Variants in FTO observed in about 807,000 individuals in gnomAD.
FTO encodes FTO alpha-ketoglutarate dependent dioxygenase, also known as alpha-ketoglutarate-dependent dioxygenase FTO.
A neutral mutation model predicts 63.9 loss-of-function variants in FTO; 47 were observed. The ratio of observed to expected loss-of-function variants is 0.74; its 90% CI spans 0.58 to 0.94. FTO has a LOEUF of 0.94. Ranked by LOEUF, FTO falls within the 40% of genes least tolerant of loss-of-function variation. The pLI, the probability that FTO is intolerant of heterozygous loss-of-function variation, is 0.00. For synonymous variants in FTO, 207 were observed against 224.4 expected (o/e 0.92, Z 0.69); for missense variants, 562 against 618.1 (o/e 0.91, Z 0.96).
At chr16:53,804,520 A>G (rs2078305154) in intron 1 of FTO, among the ~76,000 whole-genome samples, 1 of 152,168 alleles carries the variant, frequency 6.6e-6, no homozygotes, top group Non-Finnish European at 1.5e-5. Context: ...TCGTAGGACA[A>G]GGAATGCTAA....
intron 8 of FTO, among the ~76,000 whole-genome samples, chr16:53,969,589 C>T (rs2083272763): frequency 6.6e-6 from 1 of 152,140 alleles, no homozygotes; most frequent in South Asian, 2.1e-4. Context: ...CAGCGAGTTC[C>T]CAGACATTCT....
chr16:54,056,336 A>G (rs2085432636), intron 8 of FTO, among the ~76,000 whole-genome samples: 1 of 152,142 alleles, frequency 6.6e-6, no homozygotes. Context: ...CCCACTGACC[A>G]TTTATTCCCA....
At chr16:53,926,571 G>A (rs2082143526) in intron 7 of FTO, among the ~76,000 whole-genome samples, 2 of 152,232 alleles carry the variant, frequency 1.3e-5, no homozygotes, top group Admixed American at 1.3e-4. Flanking sequence ...CGACATGGTG[G>A]TGCATAAAGA....
chr16:53,876,027 G>A (rs1267469538), intron 5 of FTO, among the ~76,000 whole-genome samples: 1 of 151,992 alleles, frequency 6.6e-6, no homozygotes, highest in Non-Finnish European at 1.5e-5. Flanking sequence ...GAATATTCTT[G>A]GGATTCAATA....
rs1197054549 is a variant in FTO, at chr16:54,120,108, G to A, written c.*8193G>A. 1 of 152,250 alleles carries A rather than the reference G, an allele frequency of 6.6e-6. No individual in the cohort carries two copies. Among genetic ancestry groups the A allele is most frequent in the Non-Finnish European group, 1.5e-5 (1 of 68,072 alleles). The allele number at this position is 152,250 out of a possible 1,614,324, so 9.4% of individuals were successfully genotyped here. A position where few individuals can be genotyped will look rare whatever the true frequency, so the allele number is the denominator to read the frequency against. ...GGCGGTGGGAGAAATTGTTCTGAAA[G>A]CATGAAGCCCAGCTGAGGCCAAAAT... is the stretch of plus-strand genomic sequence containing the variant. On this transcript the variant is annotated 3_prime_UTR_variant, in exon 9 of 9. Coordinates refer to ENST00000471389, the MANE Select transcript of FTO (RefSeq NM_001080432.3).
At chr16:53,913,211 C>A (rs577037271) in intron 7 of FTO, among the ~76,000 whole-genome samples, 30 of 152,344 alleles carry the variant, frequency 2.0e-4, no homozygotes, top group African/African-American at 7.2e-4. Flanking sequence ...AAAAGAAACA[C>A]TTCTGTCTTG....
In FTO at chr16:54,039,789, C is replaced by G. The variant is rs1333859058; in HGVS notation, c.1365-71973C>G. The G allele has an allele frequency of 3.3e-5, 5 of 152,178 alleles. No homozygotes were observed. In the East Asian group the frequency reaches 9.6e-4, roughly 29 times the overall value. 9.4% of individuals were successfully genotyped at this position (152,178 alleles called of 1,614,324 possible). On this transcript the variant is annotated intron_variant, in intron 8 of 8. Transcript: ENST00000471389. ...GGGAAGGTTTATCCTGATTGTAATC[C>G]CTCCAGAGGTTTTGATCATTTCTCT...
chr16:54,007,650 C>T (rs1157007776), intron 8 of FTO, among the ~76,000 whole-genome samples: 1 of 152,226 alleles, frequency 6.6e-6, no homozygotes, highest in Non-Finnish European at 1.5e-5. Flanking sequence ...AGAGACATGG[C>T]CCCAGTGGCG....
Position 54,119,383 on chromosome 16 carries a change from G to T in FTO, c.*7468G>T, listed in dbSNP as rs139638486. The T allele has an allele frequency of 6.6e-6, 1 of 152,188 alleles. No individual in the cohort carries two copies. Among genetic ancestry groups the T allele is most frequent in the Non-Finnish European group, 1.5e-5 (1 of 68,046 alleles). The allele number at this position is 152,188 out of a possible 1,614,324, so 9.4% of individuals were successfully genotyped here. ...ATCAGTTTCTCAGACAGCCAAAGCC[G>T]TGGCTTATAACTCATCCAACCCAGA... is the stretch of plus-strand genomic sequence containing the variant. On this transcript the variant is annotated 3_prime_UTR_variant, in exon 9 of 9. Transcript: ENST00000471389.
At chr16:54,096,790 C>T (rs765476188) in intron 8 of FTO, among the ~76,000 whole-genome samples, 9 of 152,200 alleles carry the variant, frequency 5.9e-5, no homozygotes, top group Non-Finnish European at 8.8e-5. Context: ...GCACTAATCC[C>T]TTTCATAAGG....
chr16:53,758,813 A>T (rs1052467706), intron 1 of FTO, among the ~76,000 whole-genome samples: 13 of 152,190 alleles, frequency 8.5e-5, no homozygotes, highest in African/African-American at 2.9e-4. Flanking sequence ...AATACACGAA[A>T]CAGGAACAAG....
intron 8 of FTO, among the ~76,000 whole-genome samples, chr16:54,048,256 GAAAAAAA>G (rs111381976): frequency 7.5e-6 from 1 of 134,024 alleles, no homozygotes; most frequent in Non-Finnish European, 1.6e-5. Context: ...AAAAATACTT[GAAAAAAA>G]AAAAAAAAAA....
intron 8 of FTO, among the ~76,000 whole-genome samples, chr16:53,960,871 G>A (rs945667056): frequency 4.6e-5 from 7 of 151,762 alleles, no homozygotes; most frequent in Non-Finnish European, 7.4e-5. Flanking sequence ...TTCTCTGTCC[G>A]AAAAAAAATC....
rs2078424448 is a variant in FTO, at chr16:53,808,301, T to C, written c.46-1839T>C. ...GTGAGCTGTGATTGGGCCACTACAC[T>C]TCAGCCTGTGGGACAGAATGAAACC... On this transcript the variant is annotated intron_variant, in intron 1 of 8. Transcript: ENST00000471389. Among the ~76,000 whole-genome samples the C allele has an allele frequency of 2.0e-5, 3 of 151,956 alleles. No individual in the cohort carries two copies. In the South Asian group the frequency reaches 6.2e-4, roughly 32 times the overall value.
chr16:54,041,481 C>T (rs1425695086), intron 8 of FTO, among the ~76,000 whole-genome samples: 2 of 152,100 alleles, frequency 1.3e-5, no homozygotes, highest in Non-Finnish European at 2.9e-5. Context: ...GCAAACTCTC[C>T]CTAGTAGACC....
chr16:53,881,643 G>C (rs2080839088), intron 6 of FTO, among the ~76,000 whole-genome samples: 1 of 152,182 alleles, frequency 6.6e-6, no homozygotes, highest in African/African-American at 2.4e-5. Context: ...GAGACCAGCA[G>C]GTCTGGATCC....
chr16:53,867,261 CAAAT>C (rs1211260552), intron 4 of FTO, among the ~76,000 whole-genome samples: 1 of 151,852 alleles, frequency 6.6e-6, no homozygotes, highest in Non-Finnish European at 1.5e-5. Context: ...ATGTTTCAGA[CAAAT>C]AAAAATTCAG....
At chr16:53,839,865 C>T (rs968293529) in intron 3 of FTO, among the ~76,000 whole-genome samples, 29 of 151,086 alleles carry the variant, frequency 1.9e-4, no homozygotes, top group African/African-American at 5.8e-4. Context: ...AGTGCAGTGG[C>T]GCGATCTCGG....
At chr16:53,746,236 G>T (rs2076648945) in intron 1 of FTO, among the ~76,000 whole-genome samples, 1 of 152,188 alleles carries the variant, frequency 6.6e-6, no homozygotes, top group Non-Finnish European at 1.5e-5. Context: ...TTAGGAGCTA[G>T]TGTGCCACTT....
Sources: gnomAD v4.1 joint callset for allele counts (sites outside exome capture counted in the v4.1 genomes callset) on GRCh38, gnomAD v4.1.1 for gene constraint, MANE v1.5 for transcripts, NCBI Gene and HGNC (gene_info 2026-07-23, HGNC 2026-07-21) for gene names.